ELAPOR2: variants seen among roughly 807,000 people sequenced by gnomAD.
ELAPOR2 encodes the protein endosome/lysosome-associated apoptosis and autophagy regulator family member 2.
In ELAPOR2, 89 loss-of-function variants were observed where a neutral mutation model predicts 120.7. The observed-to-expected ratio is 0.74, with a 90% CI of 0.62 to 0.88. The LOEUF is 0.88. ELAPOR2 is among the 40% of genes least tolerant of loss of function. ELAPOR2 has a pLI of 0.00. For synonymous variants in ELAPOR2, 444 were observed against 444.9 expected, an observed-to-expected ratio of 1.00 and a Z score of 0.03; for missense variants, 1,134 against 1,251.6, an observed-to-expected ratio of 0.91 and a Z score of 1.42.
At chr7:87,004,152 C>T (rs1423321489) in intron 1 of ELAPOR2, among the ~76,000 whole-genome samples, 1 of 152,088 alleles carries the variant, frequency 6.6e-6, no homozygotes, top group East Asian at 1.9e-4. Flanking sequence ...CTGCAGGAGC[C>T]GAGAAGATAA....
At chr7:87,020,712 C>T (rs1345219064) in intron 1 of ELAPOR2, among the ~76,000 whole-genome samples, 1 of 151,930 alleles carries the variant, frequency 6.6e-6, no homozygotes. Flanking sequence ...ATCCTAAATG[C>T]CACTGAGTTT....
At chr7:86,936,256 G>T (rs1469207726) in intron 8 of ELAPOR2, among the ~76,000 whole-genome samples, 1 of 151,972 alleles carries the variant, frequency 6.6e-6, no homozygotes, top group East Asian at 1.9e-4. Flanking sequence ...GCCCAGGCTG[G>T]AGTACAGTGG....
intron 1 of ELAPOR2, among the ~76,000 whole-genome samples, chr7:87,042,364 A>C (rs1026954862): frequency 1.5e-4 from 23 of 150,626 alleles, no homozygotes; most frequent in Non-Finnish European, 2.5e-4. Flanking sequence ...CTTGGAAGTA[A>C]AGCTCTCCTC....
rs375352374 is a variant in ELAPOR2, at chr7:86,880,672, T to C, written c.3031-142A>G. 3,742 of 617,852 alleles carry C rather than the reference T, an allele frequency of 6.1e-3. 168 individuals carry two copies. In the South Asian group the frequency reaches 0.072, roughly 12 times the overall value. 38.3% of individuals were successfully genotyped at this position (617,852 alleles called of 1,614,324 possible). ...GTGATTAGGATTTTACAGTTAAAAT[T>C]GGGTGGCAGATATAAAACAAGTAGC... On this transcript the variant is annotated intron_variant, in intron 21 of 21. Transcript: ENST00000450689.
intron 1 of ELAPOR2, among the ~76,000 whole-genome samples, chr7:86,998,930 G>T (rs1682832024): frequency 6.6e-6 from 1 of 151,266 alleles, no homozygotes; most frequent in Non-Finnish European, 1.5e-5. Context: ...TAGGAAAATG[G>T]CAATTAATAG....
At chr7:87,058,200 A>T (rs1795320542) in intron 1 of ELAPOR2, among the ~76,000 whole-genome samples, 1 of 152,222 alleles carries the variant, frequency 6.6e-6, no homozygotes, top group South Asian at 2.1e-4. Context: ...ATGATGGATG[A>T]TGTGTAGAAC....
At chr7:86,995,643 T>C (rs1221838432) in intron 1 of ELAPOR2, among the ~76,000 whole-genome samples, 2 of 152,096 alleles carry the variant, frequency 1.3e-5, no homozygotes, top group African/African-American at 4.8e-5. Flanking sequence ...ATAATAAAAA[T>C]ATAAAGTGAC....
chr7:86,987,131 C>G (rs923277815), intron 1 of ELAPOR2, among the ~76,000 whole-genome samples: 21 of 152,280 alleles, frequency 1.4e-4, no homozygotes, highest in Admixed American at 9.8e-4. Context: ...GCTGGGAAAA[C>G]TGGGTAGTCA....
At chr7:87,029,598 G>A (rs1241652224) in intron 1 of ELAPOR2, among the ~76,000 whole-genome samples, 3 of 152,192 alleles carry the variant, frequency 2.0e-5, no homozygotes, top group Admixed American at 2.0e-4. Flanking sequence ...TTAAACAAAG[G>A]TTGTAGGTAA....
At chr7:86,883,818 G>A (rs1373350354) in intron 21 of ELAPOR2, among the ~76,000 whole-genome samples, 1 of 152,028 alleles carries the variant, frequency 6.6e-6, no homozygotes, top group Admixed American at 6.6e-5. Context: ...AGGAATTGGG[G>A]GTTATAGATG....
intron 8 of ELAPOR2, 45 bp from the exon 9 acceptor site, chr7:86,926,961 T>C (rs773205916): frequency 2.1e-6 from 3 of 1,402,978 alleles, no homozygotes; most frequent in Non-Finnish European, 1.8e-6. Flanking sequence ...TCATATAACA[T>C]GCTTATAACA....
At chr7:87,021,663 C>G (rs1048884722) in intron 1 of ELAPOR2, among the ~76,000 whole-genome samples, 11 of 152,164 alleles carry the variant, frequency 7.2e-5, no homozygotes, top group Non-Finnish European at 1.5e-4. Context: ...TATTACCCAA[C>G]TGTTTCCAGA....
intron 21 of ELAPOR2, among the ~76,000 whole-genome samples, chr7:86,883,966 T>C (rs998964165): frequency 6.6e-6 from 1 of 152,170 alleles, no homozygotes; most frequent in African/African-American, 2.4e-5. Context: ...AAGTCTGCAA[T>C]TTACTTTGAA....
chr7:86,950,456 C>T (rs577993923), intron 2 of ELAPOR2, among the ~76,000 whole-genome samples: 2 of 152,326 alleles, frequency 1.3e-5, no homozygotes, highest in South Asian at 4.1e-4. Flanking sequence ...CTCTTTGGGG[C>T]TCTGTAGTTC....
At chr7:86,900,754 T>A (rs1412044736) in intron 18 of ELAPOR2, among the ~76,000 whole-genome samples, 1 of 152,188 alleles carries the variant, frequency 6.6e-6, no homozygotes, top group East Asian at 1.9e-4. Context: ...ATGTCATAAT[T>A]TAAATCAGTC....
In ELAPOR2 at chr7:86,880,542, T is replaced by C; in HGVS notation, c.3031-12A>G. 6.5e-7 allele frequency: 1 copy of C among 1,541,062 alleles called. No individual in the cohort carries two copies. The highest frequency in any genetic ancestry group is 9.0e-7 in the Non-Finnish European group (1 of 1,115,682). On this transcript the variant is annotated splice_polypyrimidine_tract_variant and intron_variant, in intron 21 of 21. Transcript: ENST00000450689. ...TGGTCTTCTTTTTCCTAAGAAAAAATATTAAAGACAAAATCAACTCACTGA... is the reference window on the plus strand; with the variant it reads ...TGGTCTTCTTTTTCCTAAGAAAAAACATTAAAGACAAAATCAACTCACTGA...
intron 15 of ELAPOR2, among the ~76,000 whole-genome samples, chr7:86,911,078 TGAAGA>T (rs1432216895): frequency 2.0e-5 from 3 of 151,644 alleles, no homozygotes; most frequent in Admixed American, 6.6e-5. Context: ...AAGCTAGAGG[TGAAGA>T]GAAGAGAAGG....
At chr7:86,907,601 T>C in intron 18 of ELAPOR2, 69 bp downstream of exon 18, 1 of 981,436 alleles carries the variant, frequency 1.0e-6, no homozygotes. Context: ...GAATATGTTT[T>C]AAAATAGTAA....
At chr7:86,895,122 T>C (rs1422583492) in intron 19 of ELAPOR2, among the ~76,000 whole-genome samples, 1 of 152,116 alleles carries the variant, frequency 6.6e-6, no homozygotes, top group Admixed American at 6.6e-5. Context: ...GGTTAAAAAA[T>C]GTAAATATAC....
Sources: allele counts gnomAD v4.1 joint callset (sites outside exome capture counted in the v4.1 genomes callset), GRCh38; gene constraint gnomAD v4.1.1; transcripts MANE v1.5; gene names NCBI Gene and HGNC (gene_info 2026-07-23, HGNC 2026-07-21).